The following TSC22D1 variants were observed in gnomAD, a reference collection of about 807,000 sequenced individuals.
TSC22D1 encodes TSC22 domain family protein 1.
A neutral mutation model predicts 74.2 loss-of-function variants in TSC22D1; 9 were observed. That is an observed-to-expected ratio of 0.12 (90% confidence interval 0.07 to 0.21). TSC22D1 has a LOEUF of 0.21. Ranked by LOEUF, TSC22D1 falls within the 10% of genes least tolerant of loss-of-function variation. The pLI is 1.00. For missense variants in TSC22D1, 1,427 were observed against 1,304.7 expected (o/e 1.09, Z -1.44); for synonymous variants, 586 against 492.5 (o/e 1.19, Z -2.51).
intron 1 of TSC22D1, among the ~76,000 whole-genome samples, chr13:44,492,714 A>C (rs1878783777): frequency 6.6e-6 from 1 of 152,174 alleles, no homozygotes; most frequent in African/African-American, 2.4e-5. Flanking sequence ...GCTGGGAGGA[A>C]TACAATATCG....
chr13:44,454,380 TAAC>T (rs1876392235), intron 1 of TSC22D1, among the ~76,000 whole-genome samples: 2 of 152,112 alleles, frequency 1.3e-5, no homozygotes, highest in African/African-American at 2.4e-5. Context: ...TAAACATATA[TAAC>T]AACATCTATG....
chr13:44,470,290 G>A (rs1877526019), intron 1 of TSC22D1, among the ~76,000 whole-genome samples: 1 of 152,106 alleles, frequency 6.6e-6, no homozygotes, highest in African/African-American at 2.4e-5. Flanking sequence ...ATCCACTAAT[G>A]AGCAAACCAA....
chr13:44,456,137 A>G (rs941302906), intron 1 of TSC22D1, among the ~76,000 whole-genome samples: 11 of 152,326 alleles, frequency 7.2e-5, no homozygotes, highest in African/African-American at 2.4e-4. Context: ...GGACCCTCGC[A>G]GTGAGTGTTA....
At chr13:44,455,921 G>A (rs1386054319) in intron 1 of TSC22D1, among the ~76,000 whole-genome samples, 1 of 151,572 alleles carries the variant, frequency 6.6e-6, no homozygotes, top group East Asian at 1.9e-4. Flanking sequence ...AATTCATCAA[G>A]TTGAAACCTG....
intron 1 of TSC22D1, chr13:44,537,180 A>G: frequency 1.1e-6 from 1 of 876,190 alleles, no homozygotes; most frequent in Non-Finnish European, 1.4e-6. Context: ...CATTCTAGAA[A>G]AAAATAGTTT....
At chr13:44,528,199 A>G (rs1302524221) in intron 1 of TSC22D1, among the ~76,000 whole-genome samples, 2 of 152,062 alleles carry the variant, frequency 1.3e-5, no homozygotes, top group East Asian at 3.9e-4. Flanking sequence ...AACAGGATCT[A>G]ATTGACATCT....
At chr13:44,554,630 C>CAAAAAAAAAAAAAAA (rs59922380) in intron 1 of TSC22D1, among the ~76,000 whole-genome samples, 4 of 68,602 alleles carry the variant, frequency 5.8e-5, no homozygotes, top group Admixed American at 1.7e-4. Context: ...ATACCAGGAA[C>CAAAAAAAAAAAAAAA]AAAAAAAAAA....
At chr13:44,448,555 G>A (rs1219030509) in intron 1 of TSC22D1, among the ~76,000 whole-genome samples, 2 of 152,188 alleles carry the variant, frequency 1.3e-5, no homozygotes, top group Admixed American at 1.3e-4. Context: ...CATTGGCAAA[G>A]TTGACTCTGT....
intron 1 of TSC22D1, among the ~76,000 whole-genome samples, chr13:44,545,918 A>G (rs973343959): frequency 1.3e-5 from 2 of 152,142 alleles, no homozygotes; most frequent in African/African-American, 4.8e-5. Context: ...CAAAGGTTGC[A>G]GTGAGCCAAG....
rs1884224658 is a variant in TSC22D1, at chr13:44,576,098, A to C, written c.-24T>G. 1.3e-6 allele frequency: 2 copies of C among 1,495,020 alleles called. No individual in the cohort carries two copies. Among genetic ancestry groups the C allele is most frequent in the South Asian group, 2.6e-5 (2 of 76,690 alleles). 92.6% of individuals were successfully genotyped at this position (1,495,020 alleles called of 1,614,324 possible). On this transcript the variant is annotated 5_prime_UTR_variant, in exon 1 of 3. Coordinates refer to ENST00000458659, the MANE Select transcript of TSC22D1 (RefSeq NM_183422.4). The stretch of plus-strand genomic sequence containing the variant: ...ATTGTGTTGGGTACCGGGGGCGCGG[A>C]GGAGACGAGTGCAATTTCCTTCTGC...
intron 1 of TSC22D1, among the ~76,000 whole-genome samples, chr13:44,473,647 T>C (rs909167247): frequency 6.6e-6 from 1 of 152,158 alleles, no homozygotes; most frequent in South Asian, 2.1e-4. Flanking sequence ...CATAGATGTA[T>C]ATATTTTTAA....
chr13:44,510,316 T>C (rs896239763), intron 1 of TSC22D1, among the ~76,000 whole-genome samples: 3 of 151,558 alleles, frequency 2.0e-5, no homozygotes, highest in African/African-American at 7.3e-5. Flanking sequence ...CACTTGAACC[T>C]GCGAGGCGGG....
At chr13:44,463,414 T>C in intron 1 of TSC22D1, among the ~76,000 whole-genome samples, 1 of 152,240 alleles carries the variant, frequency 6.6e-6, no homozygotes. Context: ...ATAGCAGTTC[T>C]AGCTAAACTG....
intron 1 of TSC22D1, among the ~76,000 whole-genome samples, chr13:44,540,209 T>C (rs1566161840): frequency 1.3e-5 from 2 of 152,116 alleles, no homozygotes; most frequent in African/African-American, 2.4e-5. Flanking sequence ...TGATAAATTA[T>C]GACTGGAAAC....
intron 1 of TSC22D1, among the ~76,000 whole-genome samples, chr13:44,457,576 A>AC (rs1367989189): frequency 6.9e-6 from 1 of 144,514 alleles, no homozygotes; most frequent in Non-Finnish European, 1.5e-5. Context: ...AAAAAGAGCA[A>AC]CCCCTAAAGA....
intron 1 of TSC22D1, among the ~76,000 whole-genome samples, chr13:44,492,923 T>C (rs1429970893): frequency 1.3e-5 from 2 of 152,176 alleles, no homozygotes; most frequent in Non-Finnish European, 2.9e-5. Flanking sequence ...ACCTCCCTTG[T>C]AGCTCTTGGC....
chr13:44,560,303 A>C (rs1021201508), intron 1 of TSC22D1, among the ~76,000 whole-genome samples: 1 of 149,782 alleles, frequency 6.7e-6, no homozygotes, highest in Non-Finnish European at 1.5e-5. Flanking sequence ...AAAATATTTC[A>C]AAGAGAAAAA....
chr13:44,497,569 C>G (rs1014953014), intron 1 of TSC22D1, among the ~76,000 whole-genome samples: 9 of 152,084 alleles, frequency 5.9e-5, no homozygotes, highest in Admixed American at 4.6e-4. Flanking sequence ...GAAACAAGAA[C>G]AACAACAACA....
chr13:44,473,004 AG>A (rs1407860076), intron 1 of TSC22D1, among the ~76,000 whole-genome samples: 3 of 152,214 alleles, frequency 2.0e-5, no homozygotes, highest in African/African-American at 7.2e-5. Context: ...AGGAAGAGCA[AG>A]TCACGTCTTA....
Sources: gnomAD v4.1 joint callset for allele counts (sites outside exome capture counted in the v4.1 genomes callset) on GRCh38, gnomAD v4.1.1 for gene constraint, MANE v1.5 for transcripts, NCBI Gene and HGNC (gene_info 2026-07-23, HGNC 2026-07-21) for gene names.